Variants in TMTC2 observed in about 807,000 individuals in gnomAD.
TMTC2 encodes the protein protein O-mannosyl-transferase TMTC2.
TMTC2 carries 43 observed loss-of-function variants against 82.4 expected under a neutral mutation model. The observed-to-expected ratio is 0.52, with a 90% CI of 0.41 to 0.67. The LOEUF (loss-of-function observed/expected upper bound fraction) is 0.67. Ranked by LOEUF, TMTC2 falls within the 30% of genes least tolerant of loss-of-function variation. TMTC2 has a pLI of 0.00. For missense variants in TMTC2, 919 were observed against 1,012.4 expected, an observed-to-expected ratio of 0.91 and a Z score of 1.25; for synonymous variants, 408 against 381.9, an observed-to-expected ratio of 1.07 and a Z score of -0.80.
chr12:83,031,306 G>A (rs532662903), intron 9 of TMTC2, among the ~76,000 whole-genome samples: 2 of 152,296 alleles, frequency 1.3e-5, no homozygotes, highest in African/African-American at 4.8e-5. Context: ...TTGCTTTCTG[G>A]AAGATATGGA....
At chr12:82,720,897 A>G (rs551605641) in intron 1 of TMTC2, among the ~76,000 whole-genome samples, 30 of 152,208 alleles carry the variant, frequency 2.0e-4, no homozygotes, top group Non-Finnish European at 3.8e-4. Context: ...CCAATTCCCA[A>G]TGGCCTGGTT....
chr12:82,895,748 C>G (rs766154322), intron 2 of TMTC2, 70 bp from the exon 3 acceptor site: 11 of 1,346,200 alleles, frequency 8.2e-6, no homozygotes, highest in Non-Finnish European at 1.0e-5. Flanking sequence ...TATTTTATCT[C>G]TAAGTGTTAA....
At chr12:82,735,554 C>T (rs547941084) in intron 1 of TMTC2, among the ~76,000 whole-genome samples, 3 of 151,990 alleles carry the variant, frequency 2.0e-5, no homozygotes, top group South Asian at 4.2e-4. Context: ...ACTGTGTTAG[C>T]CAGGATGGTC....
intron 4 of TMTC2, among the ~76,000 whole-genome samples, chr12:82,938,255 G>C (rs186198739): frequency 6.6e-6 from 1 of 152,124 alleles, no homozygotes; most frequent in East Asian, 1.9e-4. Flanking sequence ...AGATGTTCTT[G>C]AAAATTCAGG....
intron 1 of TMTC2, among the ~76,000 whole-genome samples, chr12:82,813,239 G>A (rs1265608052): frequency 6.6e-6 from 1 of 152,034 alleles, no homozygotes. Flanking sequence ...TCACTACTCT[G>A]TAACAGCAGC....
Position 82,728,529 on chromosome 12 carries a change from G to A in TMTC2, c.83+40860G>A, listed in dbSNP as rs546404331. On this transcript the variant is annotated intron_variant, in intron 1 of 11. Transcript: ENST00000321196. Reference sequence around the variant, plus strand: ...TGAGGTCAGGAGTTCCAGACCAGCCGGGCCAACATGGTGAAATCCTGTCTC... The same window carrying A: ...TGAGGTCAGGAGTTCCAGACCAGCCAGGCCAACATGGTGAAATCCTGTCTC... Among the ~76,000 whole-genome samples the A allele has an allele frequency of 3.3e-4, 50 of 152,094 alleles. No homozygotes were observed. In the East Asian group the frequency reaches 8.6e-3, roughly 26 times the overall value.
intron 8 of TMTC2, among the ~76,000 whole-genome samples, chr12:83,023,876 G>A (rs12312967): frequency 0.076 from 11,630 of 152,266 alleles, 626 homozygotes; most frequent in East Asian, 0.26. Flanking sequence ...TTTAGGAAGA[G>A]AGGGCACAGA....
chr12:83,012,347 C>CA (rs540965179), intron 8 of TMTC2, among the ~76,000 whole-genome samples: 1 of 151,644 alleles, frequency 6.6e-6, no homozygotes, highest in Admixed American at 6.6e-5. Context: ...ACTAATTAGA[C>CA]AAAAAAAGAA....
chr12:82,738,167 G>T (rs925393998), intron 1 of TMTC2, among the ~76,000 whole-genome samples: 1 of 152,090 alleles, frequency 6.6e-6, no homozygotes, highest in Non-Finnish European at 1.5e-5. Flanking sequence ...CTGTTCATTT[G>T]CAAGCTTGAA....
intron 11 of TMTC2, among the ~76,000 whole-genome samples, chr12:83,118,279 C>T (rs144782074): frequency 1.2e-4 from 19 of 152,218 alleles, no homozygotes; most frequent in African/African-American, 4.6e-4. Flanking sequence ...TCAACTTTTC[C>T]CCATTCAATA....
chr12:82,935,960 A>G (rs1292203534), intron 4 of TMTC2, among the ~76,000 whole-genome samples: 2 of 152,124 alleles, frequency 1.3e-5, no homozygotes, highest in East Asian at 3.8e-4. Flanking sequence ...AGTAATGCAT[A>G]ATCTAAGATC....
intron 2 of TMTC2, among the ~76,000 whole-genome samples, chr12:82,879,863 C>A (rs1252739642): frequency 6.6e-6 from 1 of 152,218 alleles, no homozygotes; most frequent in Non-Finnish European, 1.5e-5. Flanking sequence ...TTCTCCACAT[C>A]ACATCCCAAA....
At chr12:82,963,136 T>C (rs1237620004) in intron 4 of TMTC2, among the ~76,000 whole-genome samples, 2 of 151,900 alleles carry the variant, frequency 1.3e-5, no homozygotes, top group Non-Finnish European at 2.9e-5. Flanking sequence ...GGGGCATTGG[T>C]CATATACACC....
intron 9 of TMTC2, among the ~76,000 whole-genome samples, chr12:83,040,157 T>C (rs1881833794): frequency 6.6e-6 from 1 of 152,202 alleles, no homozygotes; most frequent in South Asian, 2.1e-4. Context: ...GTTCCAATAG[T>C]TTAAGTGGCA....
chr12:82,896,234 T>G lies in TMTC2; in HGVS notation c.1071T>G (p.Asp357Glu). ...CAAATGGACATAGCTGCCTTTCAGA[T>G]GTGGAGTACCAGAACTCAGAGACTA... Reference protein sequence around the residue: ...QNANGHSCLSDVEYQNSETKS... With the variant: ...QNANGHSCLSEVEYQNSETKS... Residue 357 changes from aspartate (D) to glutamate (E), a missense_variant, in exon 3 of 12, where the codon GAT (aspartate) becomes GAG (glutamate). Physicochemically the swap from Asp to Glu is conservative, Grantham distance 45. Coordinates refer to ENST00000321196, the MANE Select transcript of TMTC2 (RefSeq NM_152588.3). 1 of 1,614,070 alleles carries G rather than the reference T, an allele frequency of 6.2e-7. No individual in the cohort carries two copies. The highest frequency in any genetic ancestry group is 8.5e-7 in the Non-Finnish European group (1 of 1,180,030).
At chr12:83,054,023 A>T (rs536183995) in intron 10 of TMTC2, among the ~76,000 whole-genome samples, 1 of 152,184 alleles carries the variant, frequency 6.6e-6, no homozygotes, top group East Asian at 1.9e-4. Context: ...TTATTTGTCA[A>T]TGAATGTATG....
At chr12:83,015,385 G>A (rs2137393892) in intron 8 of TMTC2, among the ~76,000 whole-genome samples, 1 of 152,292 alleles carries the variant, frequency 6.6e-6, no homozygotes, top group East Asian at 1.9e-4. Flanking sequence ...TCTGATGATT[G>A]GGAGTGTCTG....
At chr12:82,982,478 T>C (rs1358062742) in intron 7 of TMTC2, among the ~76,000 whole-genome samples, 2 of 151,840 alleles carry the variant, frequency 1.3e-5, no homozygotes, top group African/African-American at 4.8e-5. Flanking sequence ...CATCTTGATT[T>C]TATTACCATT....
chr12:82,767,178 G>T (rs12311396), intron 1 of TMTC2, among the ~76,000 whole-genome samples: 34,986 of 152,076 alleles, frequency 0.23, 4,695 homozygotes, highest in Middle Eastern at 0.37. Flanking sequence ...CAGTATTGCT[G>T]CCTTTTGGAA....
Sources: gnomAD v4.1 joint callset for allele counts (sites outside exome capture counted in the v4.1 genomes callset) on GRCh38, gnomAD v4.1.1 for gene constraint, MANE v1.5 for transcripts, NCBI Gene and HGNC (gene_info 2026-07-23, HGNC 2026-07-21) for gene names.